PDGFC: variants seen among roughly 807,000 people sequenced by gnomAD.
PDGFC encodes platelet derived growth factor C.
A neutral mutation model predicts 35.5 loss-of-function variants in PDGFC; 12 were observed. The ratio of observed to expected loss-of-function variants is 0.34; its 90% CI spans 0.22 to 0.55. PDGFC has a LOEUF of 0.55. PDGFC is among the 20% of genes least tolerant of loss of function. The probability of loss-of-function intolerance (pLI) is 0.91; values close to 1 mark genes in which losing one functional copy is unlikely to be tolerated. For missense variants in PDGFC, 322 were observed against 412.4 expected, an observed-to-expected ratio of 0.78 and a Z score of 1.90; for synonymous variants, 159 against 148.8, an observed-to-expected ratio of 1.07 and a Z score of -0.50.
At chr4:156,824,152 T>C (rs530615622) in intron 2 of PDGFC, among the ~76,000 whole-genome samples, 5 of 151,816 alleles carry the variant, frequency 3.3e-5, no homozygotes, top group African/African-American at 7.2e-5. Flanking sequence ...GGAATAAGTT[T>C]TAGTAACCTA....
At chr4:156,911,023 T>C (rs1015070028) in intron 1 of PDGFC, among the ~76,000 whole-genome samples, 4 of 152,330 alleles carry the variant, frequency 2.6e-5, no homozygotes, top group Non-Finnish European at 5.9e-5. Context: ...CGCGGTGTTT[T>C]ACAGAGCAAA....
chr4:156,944,251 A>C (rs1358793163), intron 1 of PDGFC, among the ~76,000 whole-genome samples: 1 of 152,122 alleles, frequency 6.6e-6, no homozygotes, highest in Non-Finnish European at 1.5e-5. Flanking sequence ...AATATGTGTT[A>C]AGAGCTTACA....
chr4:156,859,949 T>C (rs1729671195), intron 1 of PDGFC, among the ~76,000 whole-genome samples: 2 of 152,134 alleles, frequency 1.3e-5, no homozygotes, highest in Non-Finnish European at 2.9e-5. Context: ...TATTCTAGAA[T>C]TGGCTTGACT....
chr4:156,830,082 G>A (rs915452050), intron 2 of PDGFC, among the ~76,000 whole-genome samples: 7 of 151,948 alleles, frequency 4.6e-5, no homozygotes, highest in Admixed American at 6.6e-5. Flanking sequence ...TCCAACAATT[G>A]GCCATTTGTA....
At chr4:156,835,656 T>A (rs897544834) in intron 2 of PDGFC, among the ~76,000 whole-genome samples, 1 of 152,220 alleles carries the variant, frequency 6.6e-6, no homozygotes, top group African/African-American at 2.4e-5. Flanking sequence ...AATCCTATTA[T>A]ATTTTAAGCA....
At chr4:156,910,406 C>A (rs1454696217) in intron 1 of PDGFC, among the ~76,000 whole-genome samples, 1 of 152,072 alleles carries the variant, frequency 6.6e-6, no homozygotes, top group Non-Finnish European at 1.5e-5. Context: ...TATTCCACTG[C>A]ACAAAGGTAC....
intron 1 of PDGFC, among the ~76,000 whole-genome samples, chr4:156,868,504 T>C (rs1729900831): frequency 6.6e-6 from 1 of 152,136 alleles, no homozygotes; most frequent in Non-Finnish European, 1.5e-5. Flanking sequence ...TGCTTTACGA[T>C]GAACAAAAAC....
intron 2 of PDGFC, among the ~76,000 whole-genome samples, chr4:156,843,129 G>A (rs1361713116): frequency 1.3e-5 from 2 of 152,120 alleles, no homozygotes; most frequent in African/African-American, 2.4e-5. Context: ...GGTATTTGAA[G>A]GTAGGGTATT....
intron 1 of PDGFC, chr4:156,886,642 G>C (rs1730383301): frequency 6.6e-6 from 1 of 152,128 alleles, no homozygotes; most frequent in Non-Finnish European, 1.5e-5. Context: ...ATTAATGGTT[G>C]CCTCATTTCC....
intron 2 of PDGFC, among the ~76,000 whole-genome samples, chr4:156,843,163 G>C (rs184302828): frequency 7.9e-5 from 12 of 152,114 alleles, no homozygotes; most frequent in South Asian, 2.1e-4. Flanking sequence ...GGTCATGAAC[G>C]GGATCAGCAG....
At chr4:156,777,616 A>G (rs117056574) in intron 3 of PDGFC, among the ~76,000 whole-genome samples, 1 of 152,328 alleles carries the variant, frequency 6.6e-6, no homozygotes, top group East Asian at 1.9e-4. Context: ...CTCAATTTCT[A>G]GCAACCAAAA....
chr4:156,830,480 T>G (rs181219498), intron 2 of PDGFC, among the ~76,000 whole-genome samples: 1 of 152,180 alleles, frequency 6.6e-6, no homozygotes, highest in East Asian at 1.9e-4. Context: ...GGCAACTGAG[T>G]AATTGTGGGC....
chr4:156,900,949 AAGTG>A (rs1274457524), intron 1 of PDGFC, among the ~76,000 whole-genome samples: 1 of 148,030 alleles, frequency 6.8e-6, no homozygotes, highest in African/African-American at 2.5e-5. Flanking sequence ...GGGAGGGAGG[AAGTG>A]AGGGAGGGAG....
intron 1 of PDGFC, among the ~76,000 whole-genome samples, chr4:156,956,347 T>A (rs944909600): frequency 6.6e-6 from 1 of 152,052 alleles, no homozygotes; most frequent in Non-Finnish European, 1.5e-5. Flanking sequence ...GGCATTAGCA[T>A]CACCTGTGAG....
Position 156,843,468 on chromosome 4 carries a change from G to A in PDGFC, c.314+6753C>T, listed in dbSNP as rs554645417. Among the ~76,000 whole-genome samples the A allele has an allele frequency of 3.1e-3, 474 of 152,276 alleles. 1 individual carries two copies. Among genetic ancestry groups the A allele is most frequent in the African/African-American group, 0.011 (453 of 41,554 alleles). On this transcript the variant is annotated intron_variant, in intron 2 of 5. Coordinates refer to ENST00000502773, the MANE Select transcript of PDGFC (RefSeq NM_016205.3). Reference sequence around the variant, plus strand: ...AAAGCAAGTCTTGGGGATATGTAACGAACACTTTAAGCTAATCTGCTTCCC... The same window carrying A: ...AAAGCAAGTCTTGGGGATATGTAACAAACACTTTAAGCTAATCTGCTTCCC...
intron 1 of PDGFC, among the ~76,000 whole-genome samples, chr4:156,897,483 T>A (rs920343889): frequency 6.6e-6 from 1 of 152,058 alleles, no homozygotes; most frequent in Non-Finnish European, 1.5e-5. Flanking sequence ...GGCCCTGAAA[T>A]CATGTGATTC....
In PDGFC at chr4:156,804,872, GAATCAATCAAACCTCAA is replaced by G. The variant is rs539870130; in HGVS notation, c.495+5948_495+5964del. ...CTTTGTGGCTTTAGCTATAAAATAT[GAATCAATCAAACCTCAA>G]GGTTTCAATTAATCTACGATTTTAT... On this transcript the variant is annotated intron_variant, in intron 3 of 5. Coordinates refer to ENST00000502773, the MANE Select transcript of PDGFC (RefSeq NM_016205.3). Among the ~76,000 whole-genome samples the G allele has an allele frequency of 3.4e-3, 524 of 152,056 alleles. 2 individuals are homozygous for G. Among genetic ancestry groups the G allele is most frequent in the South Asian group, 0.028 (136 of 4,816 alleles).
At chr4:156,826,174 A>AATTTTTTT (rs1288749370) in intron 2 of PDGFC, among the ~76,000 whole-genome samples, 1 of 43,790 alleles carries the variant, frequency 2.3e-5, no homozygotes, top group African/African-American at 8.1e-5. Flanking sequence ...TTTGAGTTGG[A>AATTTTTTT]TTTTTTTTTT....
chr4:156,778,704 A>AT (rs1302757561), intron 3 of PDGFC, among the ~76,000 whole-genome samples: 4 of 152,164 alleles, frequency 2.6e-5, no homozygotes, highest in Non-Finnish European at 4.4e-5. Context: ...TTTTATTAGG[A>AT]TTTTTGTGGC....
Sources: allele counts gnomAD v4.1 joint callset (sites outside exome capture counted in the v4.1 genomes callset), GRCh38; gene constraint gnomAD v4.1.1; transcripts MANE v1.5; gene names NCBI Gene and HGNC (gene_info 2026-07-23, HGNC 2026-07-21).